The following POC1A variants were observed in gnomAD, a reference collection of about 807,000 sequenced individuals.
POC1A encodes the protein POC1 centriolar protein A, also known as POC1 centriolar protein homolog A.
Under a neutral mutation model 47.8 loss-of-function variants are expected in POC1A, and 34 were observed. The observed-to-expected ratio is 0.71, with a 90% CI of 0.54 to 0.95. The LOEUF (loss-of-function observed/expected upper bound fraction) is 0.95. Among genes scored for constraint, POC1A ranks in the 40% least tolerant of loss-of-function variants. The pLI, the probability that POC1A is intolerant of heterozygous loss-of-function variation, is 0.00. For synonymous variants in POC1A, 177 were observed against 207.6 expected, an observed-to-expected ratio of 0.85 and a Z score of 1.27; for missense variants, 466 against 528.3, an observed-to-expected ratio of 0.88 and a Z score of 1.16.
chr3:52,096,724 A>G lies in POC1A; in HGVS notation c.982-12T>C. The G allele has an allele frequency of 6.4e-7, 1 of 1,569,342 alleles. No homozygotes were observed. Among genetic ancestry groups the G allele is most frequent in the Non-Finnish European group, 8.6e-7 (1 of 1,163,394 alleles). On this transcript the variant is annotated splice_polypyrimidine_tract_variant and intron_variant, in intron 9 of 10. Coordinates refer to ENST00000296484, the MANE Select transcript of POC1A (RefSeq NM_015426.5). Reference sequence around the variant, plus strand: ...AAGTCCACTTCTGGCTAAAGACAGAAAGAAAAAAGTTCCTCAGTCTATCCA... The same window carrying G: ...AAGTCCACTTCTGGCTAAAGACAGAGAGAAAAAAGTTCCTCAGTCTATCCA...
chr3:52,129,462 T>G (rs1355718513), intron 7 of POC1A, among the ~76,000 whole-genome samples: 1 of 152,174 alleles, frequency 6.6e-6, no homozygotes, highest in African/African-American at 2.4e-5. Context: ...GCAGGGATAT[T>G]GCCAAGTCCA....
rs554351937 is a variant in POC1A at position 52,109,733 on chromosome 3, G to A, written c.981+12646C>T. 2.7e-4 allele frequency among the ~76,000 whole-genome samples: 41 copies of A among 152,160 alleles called. No individual in the cohort carries two copies. The South Asian group carries it at 8.1e-3, about 30-fold the overall frequency. On this transcript the variant is annotated intron_variant, in intron 9 of 10. Transcript: ENST00000296484. ...CTCAGCGAATCCTGCAGCAATGTCC[G>A]GACCTTCAAAGAAACTAATTGTAAG... is the stretch of plus-strand genomic sequence containing the variant.
At chr3:52,139,825 A>G (rs971547785) in intron 6 of POC1A, among the ~76,000 whole-genome samples, 1 of 152,220 alleles carries the variant, frequency 6.6e-6, no homozygotes, top group African/African-American at 2.4e-5. Context: ...AGCATGTTCT[A>G]GGTGAAGCTG....
chr3:52,075,978 G>C lies in POC1A; in HGVS notation c.1133C>G (p.Ser378Cys). 2 of 1,613,046 alleles carry C rather than the reference G, an allele frequency of 1.2e-6. No homozygotes were observed. Among genetic ancestry groups the C allele is most frequent in the Non-Finnish European group, 1.7e-6 (2 of 1,179,122 alleles). Residue 378 changes from serine to cysteine, a missense_variant, in exon 11 of 11, where the codon TCC (serine) becomes TGC (cysteine). Coordinates refer to ENST00000296484, the MANE Select transcript of POC1A (RefSeq NM_015426.5). Reference protein sequence around the residue: ...GQLDVLTQTVSILEQRLTLTE... With the variant: ...GQLDVLTQTVCILEQRLTLTE... ...CAGTGTCAACCGCTGCTCCAGAATG[G>C]AGACTGTCTGCAAAATAAACAGTGG...
At chr3:52,149,598 G>A (rs1698485455) in intron 3 of POC1A, among the ~76,000 whole-genome samples, 1 of 152,204 alleles carries the variant, frequency 6.6e-6, no homozygotes, top group Non-Finnish European at 1.5e-5. Context: ...GCATCAGGTG[G>A]CATTTCTTTA....
intron 7 of POC1A, among the ~76,000 whole-genome samples, chr3:52,125,953 A>G (rs1577883837): frequency 6.6e-6 from 1 of 152,340 alleles, no homozygotes; most frequent in Middle Eastern, 3.4e-3. Context: ...GTTCTTCCCC[A>G]CATACCTAAA....
At chr3:52,140,366 C>T (rs189592560) in intron 6 of POC1A, among the ~76,000 whole-genome samples, 205 of 152,316 alleles carry the variant, frequency 1.3e-3, no homozygotes, top group Middle Eastern at 3.4e-3. Flanking sequence ...AGAGACCCCC[C>T]CACCAGAAAG....
intron 10 of POC1A, among the ~76,000 whole-genome samples, chr3:52,087,538 C>T (rs977407442): frequency 6.6e-6 from 1 of 152,164 alleles, no homozygotes; most frequent in East Asian, 1.9e-4. Flanking sequence ...TTTGCATCCC[C>T]CAGCCCCAAC....
At chr3:52,113,015 C>T (rs1352382928) in intron 9 of POC1A, among the ~76,000 whole-genome samples, 1 of 152,098 alleles carries the variant, frequency 6.6e-6, no homozygotes, top group Admixed American at 6.5e-5. Flanking sequence ...TTTAACAAGC[C>T]CTCAGAGTGA....
At chr3:52,126,132 G>A (rs1281822933) in intron 7 of POC1A, among the ~76,000 whole-genome samples, 1 of 152,224 alleles carries the variant, frequency 6.6e-6, no homozygotes, top group Non-Finnish European at 1.5e-5. Context: ...CACAGCCACT[G>A]TCACCAAGTC....
In POC1A at chr3:52,079,057, G is replaced by A. The variant is rs1414787363; in HGVS notation, c.1126-3072C>T. Among the ~76,000 whole-genome samples, 1 of 152,222 alleles carries A rather than the reference G, an allele frequency of 6.6e-6. No individual in the cohort carries two copies. On this transcript the variant is annotated intron_variant, in intron 10 of 10. Transcript: ENST00000296484. This position sits in a 1 kb window ranked among gnomAD's most constrained non-coding sequence, Gnocchi z 4.6. ...GCTGCACGGGAGCTGTGGGAGGAGGGCAGGAGAGCATCTGAGGTGGCAGAA... is the reference window on the plus strand; with the variant it reads ...GCTGCACGGGAGCTGTGGGAGGAGGACAGGAGAGCATCTGAGGTGGCAGAA...
At chr3:52,142,916 C>G (rs1216413970) in intron 6 of POC1A, among the ~76,000 whole-genome samples, 1 of 152,114 alleles carries the variant, frequency 6.6e-6, no homozygotes, top group Non-Finnish European at 1.5e-5. Context: ...CATGTCCTCC[C>G]GTCAGCAGAG....
rs375757551 is a variant in POC1A, at chr3:52,147,442, TTTTG to T, written c.456-351_456-348del. Among the ~76,000 whole-genome samples, 1,040 of 152,176 alleles carry T rather than the reference TTTTG, an allele frequency of 6.8e-3. 15 individuals carry two copies. Among genetic ancestry groups the T allele is most frequent in the African/African-American group, 0.024 (990 of 41,488 alleles). ...TGACTAAATTTTGTTTTTGTTTTTG[TTTTG>T]TTTTTTAGACAGGGTATTGCTCTGT... On this transcript the variant is annotated intron_variant, in intron 4 of 10. Coordinates refer to ENST00000296484, the MANE Select transcript of POC1A (RefSeq NM_015426.5).
chr3:52,098,846 A>G (rs1184975907), intron 9 of POC1A, among the ~76,000 whole-genome samples: 1 of 152,064 alleles, frequency 6.6e-6, no homozygotes, highest in African/African-American at 2.4e-5. Flanking sequence ...GTGTAACCTC[A>G]CTTCATCCTT....
chr3:52,109,598 G>T (rs1313764180), intron 9 of POC1A, among the ~76,000 whole-genome samples: 1 of 152,066 alleles, frequency 6.6e-6, no homozygotes, highest in Non-Finnish European at 1.5e-5. Flanking sequence ...CTCCACTCTG[G>T]TGTCCTGGGA....
chr3:52,099,192 C>T (rs1430203711), intron 9 of POC1A, among the ~76,000 whole-genome samples: 2 of 152,148 alleles, frequency 1.3e-5, no homozygotes, highest in Non-Finnish European at 2.9e-5. Context: ...AAACACTCAA[C>T]ACCTCAAAGA....
At chr3:52,149,121 C>T (rs923532529) in intron 4 of POC1A, 89 bp downstream of exon 4, 9 of 1,105,530 alleles carry the variant, frequency 8.1e-6, no homozygotes, top group African/African-American at 3.1e-5. Context: ...GTAACTTGCC[C>T]GAGGTCATAA....
At chr3:52,131,162 G>A (rs1012667189) in intron 7 of POC1A, among the ~76,000 whole-genome samples, 1 of 152,016 alleles carries the variant, frequency 6.6e-6, no homozygotes, top group African/African-American at 2.4e-5. Context: ...AATAGCTCTA[G>A]AGAACTTAAA....
intron 10 of POC1A, among the ~76,000 whole-genome samples, chr3:52,096,112 C>A (rs1019721277): frequency 1.3e-5 from 2 of 152,230 alleles, no homozygotes; most frequent in African/African-American, 2.4e-5. Flanking sequence ...ATAAACATAC[C>A]AGGGCTTGGT....
Sources: gnomAD v4.1 joint callset for allele counts (sites outside exome capture counted in the v4.1 genomes callset) on GRCh38, gnomAD v4.1.1 for gene constraint, Gnocchi (gnomAD v3.1) non-coding constraint, MANE v1.5 for transcripts, NCBI Gene and HGNC (gene_info 2026-07-23, HGNC 2026-07-21) for gene names.